The following CDK15 variants were observed in gnomAD, a reference collection of about 807,000 sequenced individuals.
The protein encoded by CDK15 is cyclin dependent kinase 15.
CDK15 carries 62 observed loss-of-function variants against 60.3 expected under a neutral mutation model. The ratio of observed to expected loss-of-function variants is 1.03; its 90% confidence interval spans 0.84 to 1.27. The LOEUF is 1.27. Ranked by LOEUF, CDK15 falls within the 50% of genes most tolerant of loss-of-function variation. The probability of loss-of-function intolerance (pLI) is 0.00; values close to 1 mark genes in which losing one functional copy is unlikely to be tolerated. For synonymous variants in CDK15, 194 were observed against 195.7 expected, an observed-to-expected ratio of 0.99 and a Z score of 0.07; for missense variants, 541 against 527.8, an observed-to-expected ratio of 1.03 and a Z score of -0.25.
chr2:201,828,203 G>A (rs1696590960), intron 6 of CDK15, among the ~76,000 whole-genome samples: 1 of 152,172 alleles, frequency 6.6e-6, no homozygotes, highest in Non-Finnish European at 1.5e-5. Context: ...ATCTCCAAAG[G>A]GAAATGAGCA....
At chr2:201,839,060 C>T (rs925739187) in intron 8 of CDK15, among the ~76,000 whole-genome samples, 14 of 152,116 alleles carry the variant, frequency 9.2e-5, no homozygotes, top group African/African-American at 3.4e-4. Context: ...CCTGCCTCAG[C>T]CATGATGTTA....
chr2:201,827,941 A>G (rs1401297933), intron 6 of CDK15, among the ~76,000 whole-genome samples: 1 of 152,218 alleles, frequency 6.6e-6, no homozygotes, highest in Non-Finnish European at 1.5e-5. Flanking sequence ...TCTAGTTAGC[A>G]ATTAGTAATC....
At chr2:201,884,179 G>A (rs914178588) in intron 12 of CDK15, among the ~76,000 whole-genome samples, 5 of 152,158 alleles carry the variant, frequency 3.3e-5, no homozygotes, top group Non-Finnish European at 5.9e-5. Flanking sequence ...GGACATCAAA[G>A]GCTGTCTCTC....
chr2:201,876,508 C>T (rs1043785820), intron 11 of CDK15: 1 of 1,122,150 alleles, frequency 8.9e-7, no homozygotes, highest in African/African-American at 1.6e-5. Context: ...GAGACCGACA[C>T]ACACTTGGCT....
chr2:201,822,951 C>T (rs750688628), intron 5 of CDK15, 48 bp downstream of exon 5: 1 of 1,022,458 alleles, frequency 9.8e-7, no homozygotes, highest in Admixed American at 1.7e-5. Flanking sequence ...TAACCTGGTA[C>T]TTGTATAATG....
At chr2:201,852,943 G>A (rs1697976591) in intron 9 of CDK15, among the ~76,000 whole-genome samples, 1 of 152,056 alleles carries the variant, frequency 6.6e-6, no homozygotes, top group African/African-American at 2.4e-5. Flanking sequence ...CAACCATCTG[G>A]TAACTTTCAC....
rs368174315 is a variant in CDK15, at chr2:201,872,297, G to T, written c.1029G>T (p.Thr343=). ...NYNPEWFPLP[T]PRSLHVVWNR... is the part of the protein sequence containing the mutation. The stretch of plus-strand genomic sequence containing the variant: ...TCCCAGAATGGTTCCCACTGCCTAC[G>T]CCTCGAAGCCTTCATGTTGTCTGGA... The change falls in exon 11 of 14, where the codon ACG becomes ACT. Residue 343 remains threonine (T), a synonymous_variant. Transcript: ENST00000652192. 3.1e-6 allele frequency: 5 copies of T among 1,613,838 alleles called. No homozygotes were observed. The highest frequency in any genetic ancestry group is 1.3e-5 in the African/African-American group (1 of 74,858).
At chr2:201,861,123 G>A (rs769310494) in intron 10 of CDK15, 1 of 1,043,008 alleles carries the variant, frequency 9.6e-7, no homozygotes, top group Non-Finnish European at 1.2e-6. Context: ...ATATGGAACT[G>A]TAAGTCCAAG....
intron 11 of CDK15, among the ~76,000 whole-genome samples, chr2:201,879,572 G>T (rs916178532): frequency 9.2e-5 from 14 of 152,106 alleles, no homozygotes; most frequent in Non-Finnish European, 1.5e-4. Context: ...TAGAGACAGG[G>T]TTTCGCCATG....
At chr2:201,815,672 G>A (rs1464991206) in intron 4 of CDK15, among the ~76,000 whole-genome samples, 1 of 152,156 alleles carries the variant, frequency 6.6e-6, no homozygotes, top group Non-Finnish European at 1.5e-5. Flanking sequence ...TTAATATAAT[G>A]TGCATTGTTT....
chr2:201,834,906 C>CAACAA (rs1365455509), intron 7 of CDK15, among the ~76,000 whole-genome samples: 1 of 152,098 alleles, frequency 6.6e-6, no homozygotes, highest in Admixed American at 6.5e-5. Context: ...AAGTTTTTCC[C>CAACAA]AACAATAGAT....
chr2:201,835,984 T>A (rs866271652), intron 8 of CDK15, among the ~76,000 whole-genome samples: 24,327 of 70,216 alleles, frequency 0.35, 2,778 homozygotes, highest in East Asian at 0.61. Flanking sequence ...TTATATATTT[T>A]TATATATTTA....
chr2:201,876,602 A>G, intron 11 of CDK15: 2 of 1,286,782 alleles, frequency 1.6e-6, no homozygotes, highest in Middle Eastern at 2.2e-4. Flanking sequence ...AAAGTGCAGC[A>G]GTCATAGTTC....
chr2:201,833,809 G>T, intron 6 of CDK15, 39 bp from the exon 7 acceptor site: 1 of 1,595,900 alleles, frequency 6.3e-7, no homozygotes, highest in East Asian at 2.3e-5. Context: ...AGCACGTGGT[G>T]GCTCAAATCT....
rs375820903 is a variant in CDK15, at chr2:201,843,883, G to C, written c.852-3498G>C. On this transcript the variant is annotated intron_variant, in intron 8 of 13. Transcript: ENST00000652192. ...CATAATTTTGTATACAAGTTTAGTGGTATAGAAGATAAAGGACACTAAGGA... is the reference window on the plus strand; with the variant it reads ...CATAATTTTGTATACAAGTTTAGTGCTATAGAAGATAAAGGACACTAAGGA... Among the ~76,000 whole-genome samples the C allele has an allele frequency of 2.8e-5, 4 of 141,714 alleles. No homozygotes were observed. In the East Asian group the frequency reaches 8.4e-4, roughly 30 times the overall value. The allele number at this position is 141,714 out of a possible 152,430, so 93.0% of individuals were successfully genotyped here.
At chr2:201,835,984 T>TTATATATTTA (rs1168184563) in intron 8 of CDK15, among the ~76,000 whole-genome samples, 1 of 71,638 alleles carries the variant, frequency 1.4e-5, no homozygotes, top group African/African-American at 4.1e-5. Context: ...TTATATATTT[T>TTATATATTTA]TATATATTTA....
At chr2:201,888,124 A>G (rs1307475069) in intron 12 of CDK15, among the ~76,000 whole-genome samples, 2 of 140,430 alleles carry the variant, frequency 1.4e-5, no homozygotes, top group African/African-American at 5.4e-5. Flanking sequence ...GTGAAAGGTT[A>G]TTTAGCCCCT....
At chr2:201,867,187 C>A (rs1463952374) in intron 10 of CDK15, among the ~76,000 whole-genome samples, 1 of 152,192 alleles carries the variant, frequency 6.6e-6, no homozygotes, top group Admixed American at 6.5e-5. Flanking sequence ...CTTACAACAA[C>A]CTCATTTGAG....
intron 4 of CDK15, among the ~76,000 whole-genome samples, chr2:201,820,581 G>A (rs1696176479): frequency 6.6e-6 from 1 of 152,230 alleles, no homozygotes; most frequent in Non-Finnish European, 1.5e-5. Context: ...CAGATAGGAA[G>A]TGACAGGGCC....
Sources: gnomAD v4.1 joint callset for allele counts (sites outside exome capture counted in the v4.1 genomes callset) on GRCh38, gnomAD v4.1.1 for gene constraint, MANE v1.5 for transcripts, NCBI Gene and HGNC (gene_info 2026-07-23, HGNC 2026-07-21) for gene names.